Variants in ASCC3 observed in about 807,000 individuals in gnomAD.
ASCC3 encodes ASC-1 complex subunit P200.
In ASCC3, 158 loss-of-function variants were observed where a neutral mutation model predicts 256.3. That is an observed-to-expected ratio of 0.62 (90% CI 0.54 to 0.70). The LOEUF is 0.70. ASCC3 is among the 30% of genes least tolerant of loss of function. The pLI, the probability that ASCC3 is intolerant of heterozygous loss-of-function variation, is 0.00. For missense variants in ASCC3, 2,259 were observed against 2,626.0 expected (o/e 0.86, Z 3.05); for synonymous variants, 948 against 883.4 (o/e 1.07, Z -1.30).
intron 14 of ASCC3, among the ~76,000 whole-genome samples, chr6:100,674,765 T>C (rs1256083665): frequency 6.6e-6 from 1 of 151,800 alleles, no homozygotes; most frequent in Non-Finnish European, 1.5e-5. Flanking sequence ...TCCCAAGTAG[T>C]TGGGACTACA....
At chr6:100,658,165 C>T (rs1776008973) in intron 16 of ASCC3, among the ~76,000 whole-genome samples, 1 of 151,502 alleles carries the variant, frequency 6.6e-6, no homozygotes, top group African/African-American at 2.4e-5. Flanking sequence ...GTGCCTAGCA[C>T]ATAATACCTA....
intron 10 of ASCC3, among the ~76,000 whole-genome samples, chr6:100,751,486 G>T (rs1005781087): frequency 4.0e-5 from 6 of 151,796 alleles, no homozygotes; most frequent in African/African-American, 1.5e-4. Flanking sequence ...CTATGCTTCT[G>T]GCTTCCCAGT....
chr6:100,523,811 G>C (rs759753088), intron 37 of ASCC3, among the ~76,000 whole-genome samples: 1 of 152,040 alleles, frequency 6.6e-6, no homozygotes, highest in Non-Finnish European at 1.5e-5. Context: ...ACTTTAAAAA[G>C]CTAACATTTT....
At chr6:100,534,037 G>A (rs939437900) in intron 37 of ASCC3, among the ~76,000 whole-genome samples, 5 of 152,104 alleles carry the variant, frequency 3.3e-5, no homozygotes, top group African/African-American at 1.2e-4. Context: ...AGTCCTAGAA[G>A]TTTGAGACAA....
intron 11 of ASCC3, among the ~76,000 whole-genome samples, chr6:100,725,289 G>T (rs1306012035): frequency 6.6e-6 from 1 of 151,818 alleles, no homozygotes; most frequent in East Asian, 1.9e-4. Flanking sequence ...TTAATGAAAA[G>T]AATGGTTAAC....
chr6:100,528,780 A>ACTGAATCAC (rs1442839307), intron 37 of ASCC3, among the ~76,000 whole-genome samples: 1 of 152,214 alleles, frequency 6.6e-6, no homozygotes, highest in Non-Finnish European at 1.5e-5. Flanking sequence ...TTTCAGGCAC[A>ACTGAATCAC]CTGAATCACC....
rs1491351608 is a variant in ASCC3 at position 100,608,144 on chromosome 6, ATC to A, written c.4786-1058_4786-1057del. ...TATATATACATATATATGTATATATATCTATATATACATATTTATATACATAT... is the reference window on the plus strand; with the variant it reads ...TATATATACATATATATGTATATATATATATATACATATTTATATACATAT... On this transcript the variant is annotated intron_variant, in intron 30 of 41. Transcript: ENST00000369162. 1.7e-4 allele frequency among the ~76,000 whole-genome samples: 21 copies of A among 124,988 alleles called. No individual in the cohort carries two copies. The East Asian group carries it at 4.0e-3, about 24-fold the overall frequency. The allele number at this position is 124,988 out of a possible 152,430, so 82.0% of individuals were successfully genotyped here. A position where few individuals can be genotyped will look rare whatever the true frequency, so the allele number is the denominator to read the frequency against.
chr6:100,871,284 T>C lies in ASCC3; in HGVS notation c.-41-3246A>G, dbSNP rs549873270. Among the ~76,000 whole-genome samples the C allele has an allele frequency of 2.0e-5, 3 of 152,090 alleles. No individual in the cohort carries two copies. The East Asian group carries it at 5.8e-4, about 30-fold the overall frequency. On this transcript the variant is annotated intron_variant, in intron 1 of 41. Coordinates refer to ENST00000369162, the MANE Select transcript of ASCC3 (RefSeq NM_006828.4). Reference sequence around the variant, plus strand: ...CTAATTTTGGTATTTTTAGCAGAGATGGGGCTTCCCCATGTTGGTCAGCCT... The same window carrying C: ...CTAATTTTGGTATTTTTAGCAGAGACGGGGCTTCCCCATGTTGGTCAGCCT...
chr6:100,789,859 C>T (rs943719561), intron 8 of ASCC3, among the ~76,000 whole-genome samples: 2 of 151,792 alleles, frequency 1.3e-5, no homozygotes, highest in Non-Finnish European at 2.9e-5. Context: ...TAAAATTTAC[C>T]AAAATTATAT....
At chr6:100,566,329 G>A (rs1428072808) in intron 36 of ASCC3, among the ~76,000 whole-genome samples, 1 of 152,122 alleles carries the variant, frequency 6.6e-6, no homozygotes, top group Admixed American at 6.6e-5. Context: ...TAGCTTGCCA[G>A]TTACACAAAG....
chr6:100,587,032 T>C (rs911581821), intron 36 of ASCC3, among the ~76,000 whole-genome samples: 16 of 152,212 alleles, frequency 1.1e-4, no homozygotes, highest in Non-Finnish European at 2.2e-4. Flanking sequence ...ATGAATGTTA[T>C]ATGAGTGAAT....
chr6:100,638,747 G>A lies in ASCC3; in HGVS notation c.3976C>T (p.His1326Tyr), dbSNP rs1439964516. Reference sequence around the variant, plus strand: ...ATTTGTGTCTGTACAGGGTTAAAGTGGCTGAAGTTGTACAGGGCTTCATAT... The same window carrying A: ...ATTTGTGTCTGTACAGGGTTAAAGTAGCTGAAGTTGTACAGGGCTTCATAT... ...KAYEALYNFS[H>Y]FNPVQTQIFH... The change falls in exon 25 of 42, where the codon CAC (histidine) becomes TAC (tyrosine). Residue 1326 changes from histidine (H) to tyrosine (Y), a missense_variant. His to Tyr is a moderately conservative substitution (Grantham distance 83). Coordinates refer to ENST00000369162, the MANE Select transcript of ASCC3 (RefSeq NM_006828.4). The A allele has an allele frequency of 6.2e-7, 1 of 1,614,096 alleles. No homozygotes were observed. The highest frequency in any genetic ancestry group is 1.7e-5 in the Admixed American group (1 of 60,014).
chr6:100,755,378 T>C (rs201548363), intron 10 of ASCC3, among the ~76,000 whole-genome samples: 14 of 150,264 alleles, frequency 9.3e-5, no homozygotes, highest in African/African-American at 2.7e-4. Flanking sequence ...TTTTTTTTTC[T>C]TTTTTTGAGA....
chr6:100,621,537 G>A (rs533539102), intron 30 of ASCC3, among the ~76,000 whole-genome samples: 4 of 152,266 alleles, frequency 2.6e-5, no homozygotes, highest in African/African-American at 9.6e-5. Context: ...ACCATAGTGA[G>A]GTACCATCTC....
chr6:100,650,109 T>A (rs189250388), intron 20 of ASCC3, among the ~76,000 whole-genome samples: 5 of 151,812 alleles, frequency 3.3e-5, no homozygotes, highest in South Asian at 4.1e-4. Context: ...ACGCCTTGTT[T>A]AATGATTAAA....
intron 3 of ASCC3, chr6:100,857,670 G>A (rs1053262208): frequency 1.3e-5 from 2 of 151,942 alleles, no homozygotes; most frequent in Non-Finnish European, 2.9e-5. Flanking sequence ...CCGTAGGTTT[G>A]TTTCTGGGCT....
At chr6:100,753,656 G>A (rs1781047393) in intron 10 of ASCC3, among the ~76,000 whole-genome samples, 1 of 152,068 alleles carries the variant, frequency 6.6e-6, no homozygotes, top group Non-Finnish European at 1.5e-5. Flanking sequence ...GGTACTGCAG[G>A]CTCTTGCCAC....
chr6:100,686,757 T>C (rs1777585766), intron 13 of ASCC3, among the ~76,000 whole-genome samples: 1 of 152,174 alleles, frequency 6.6e-6, no homozygotes, highest in Non-Finnish European at 1.5e-5. Flanking sequence ...GATACATTCA[T>C]AGAAGTAGAA....
intron 2 of ASCC3, 47 bp from the exon 3 acceptor site, chr6:100,864,261 T>C (rs768821801): frequency 1.3e-4 from 189 of 1,476,488 alleles, no homozygotes; most frequent in Non-Finnish European, 1.7e-4. Context: ...AAAGTTCTTC[T>C]CAACTCCAAC....
Sources: gnomAD v4.1 joint callset for allele counts (sites outside exome capture counted in the v4.1 genomes callset) on GRCh38, gnomAD v4.1.1 for gene constraint, MANE v1.5 for transcripts, NCBI Gene and HGNC (gene_info 2026-07-23, HGNC 2026-07-21) for gene names.